The following RMND5B variants were observed in gnomAD, a reference collection of about 807,000 sequenced individuals.
The protein encoded by RMND5B is required for meiotic nuclear division 5 homolog B.
Under a neutral mutation model 50.4 loss-of-function variants are expected in RMND5B, and 42 were observed. That is an observed-to-expected ratio of 0.83 (90% confidence interval 0.65 to 1.08). The LOEUF is 1.08. RMND5B is among the 50% of genes least tolerant of loss of function. RMND5B has a pLI of 0.00. For missense variants in RMND5B, 463 were observed against 508.5 expected (o/e 0.91, Z 0.86); for synonymous variants, 220 against 210.0 (o/e 1.05, Z -0.41).
chr5:178,136,487 G>C (rs946324461), intron 2 of RMND5B, among the ~76,000 whole-genome samples: 5 of 152,108 alleles, frequency 3.3e-5, no homozygotes, highest in African/African-American at 9.7e-5. Flanking sequence ...CAGCGTAATA[G>C]CATTAGCTGT....
chr5:178,146,246 T>G lies in RMND5B; in HGVS notation c.827T>G (p.Leu276Arg). 1 of 1,614,198 alleles carries G rather than the reference T, an allele frequency of 6.2e-7. No individual in the cohort carries two copies. The highest frequency in any genetic ancestry group is 2.2e-5 in the East Asian group (1 of 44,878). Residue 276 changes from leucine (L) to arginine (R), a missense_variant, in exon 8 of 11, where the codon CTG (leucine) becomes CGG (arginine). Coordinates refer to ENST00000313386, the MANE Select transcript of RMND5B (RefSeq NM_022762.5). ...ETFTRDACSL[L>R]GLSVESPLSV... ...TTTACCCGGGACGCCTGTTCCCTGC[T>G]GGGGCTTTCTGTGGAGTCCCCCCTT...
At chr5:178,145,682 G>A (rs1168228210) in intron 7 of RMND5B, among the ~76,000 whole-genome samples, 4 of 152,118 alleles carry the variant, frequency 2.6e-5, no homozygotes, top group Admixed American at 1.3e-4. Flanking sequence ...TGGGATTATA[G>A]GCATGAGCCA....
intron 2 of RMND5B, among the ~76,000 whole-genome samples, chr5:178,132,881 T>G (rs563306894): frequency 1.9e-4 from 11 of 57,242 alleles, no homozygotes; most frequent in Admixed American, 4.5e-4. Flanking sequence ...TTGTTTGTTT[T>G]TTTGAGACAG....
intron 2 of RMND5B, among the ~76,000 whole-genome samples, chr5:178,134,159 T>C (rs1268309480): frequency 6.6e-6 from 1 of 152,178 alleles, no homozygotes; most frequent in East Asian, 1.9e-4. Context: ...GTTACTGTGC[T>C]GCAGTAGCTG....
intron 3 of RMND5B, among the ~76,000 whole-genome samples, chr5:178,139,710 AT>A (rs113719288): frequency 0.02 from 2,558 of 129,874 alleles, 42 homozygotes; most frequent in African/African-American, 0.064. Flanking sequence ...TGCCTGGCTA[AT>A]TTTTTTTTTT....
chr5:178,133,163 G>GA (rs1758428126), intron 2 of RMND5B, among the ~76,000 whole-genome samples: 1 of 151,864 alleles, frequency 6.6e-6, no homozygotes, highest in African/African-American at 2.4e-5. Flanking sequence ...ACGCCCAGCC[G>GA]ATGTTGTCTA....
At position 178,149,849 on chromosome 5, in the gene RMND5B, G is replaced by T; in HGVS notation, c.*1817G>T. 1 of 1,613,066 alleles carries T rather than the reference G, an allele frequency of 6.2e-7. No homozygotes were observed. The highest frequency in any genetic ancestry group is 8.5e-7 in the Non-Finnish European group (1 of 1,179,456). ...GGCTGCACCCAGGTCCTACAGAGGG[G>T]AAAGAAGTGCTGTTTGGAAAAAAGC... On this transcript the variant is annotated 3_prime_UTR_variant, in exon 11 of 11. Coordinates refer to ENST00000313386, the MANE Select transcript of RMND5B (RefSeq NM_022762.5).
Position 178,148,361 on chromosome 5 carries a change from A to C in RMND5B, c.*329A>C, listed in dbSNP as rs1581133999. 10 of 374,654 alleles carry C rather than the reference A, an allele frequency of 2.7e-5. No individual in the cohort carries two copies. The highest frequency in any genetic ancestry group is 5.4e-5 in the South Asian group (2 of 37,354). The allele number at this position is 374,654 out of a possible 1,614,324, so 23.2% of individuals were successfully genotyped here. On this transcript the variant is annotated 3_prime_UTR_variant, in exon 11 of 11. Coordinates refer to ENST00000313386, the MANE Select transcript of RMND5B (RefSeq NM_022762.5). The stretch of plus-strand genomic sequence containing the variant: ...GGTCTTCAGCAGTAGACATCCTTCC[A>C]CCCCTGCCCTCAGCCAAGTCTCTTG...
At position 178,144,106 on chromosome 5, in the gene RMND5B, G is replaced by A. The variant is rs371214275; in HGVS notation, c.692G>A (p.Arg231Gln). Residue 231 changes from arginine (R) to glutamine (Q), a missense_variant and splice_region_variant, in exon 7 of 11, where the codon CGG becomes CAG. Arg to Gln is a conservative substitution (Grantham distance 43). Coordinates refer to ENST00000313386, the MANE Select transcript of RMND5B (RefSeq NM_022762.5). ...HFQPFARLHQ[R>Q]EIQVMMGSLV... ...CAGCCCTTTGCTCGGCTGCACCAGC[G>A]GGGTGAGTGCCCAGGCAGCTGGGGT... The A allele has an allele frequency of 7.2e-5, 116 of 1,612,764 alleles. No individual in the cohort carries two copies. In the East Asian group the frequency reaches 1.5e-3, roughly 21 times the overall value.
chr5:178,134,851 C>T (rs1030248026), intron 2 of RMND5B, among the ~76,000 whole-genome samples: 3 of 151,454 alleles, frequency 2.0e-5, no homozygotes, highest in Non-Finnish European at 4.4e-5. Context: ...TGGTGGTGCA[C>T]CTGTAATCCC....
Position 178,148,078 on chromosome 5 carries a change from G to C in RMND5B, c.*46G>C, listed in dbSNP as rs1042428460. On this transcript the variant is annotated 3_prime_UTR_variant, in exon 11 of 11. Coordinates refer to ENST00000313386, the MANE Select transcript of RMND5B (RefSeq NM_022762.5). ...TGTTGAAAGGGGTTTTCACCTGTGA[G>C]CCTTGGTCTGTCTCGGTAGGGTGGT... The C allele has an allele frequency of 6.3e-7, 1 of 1,587,254 alleles. No homozygotes were observed. The highest frequency in any genetic ancestry group is 8.7e-7 in the Non-Finnish European group (1 of 1,155,696).
At chr5:178,147,512 G>A in intron 8 of RMND5B, 21 bp from the exon 9 acceptor site, 1 of 1,608,344 alleles carries the variant, frequency 6.2e-7, no homozygotes, top group African/African-American at 1.3e-5. Flanking sequence ...AGCCACTCTA[G>A]CCCCTGTTCC....
At chr5:178,147,512 G>C (rs1756083552) in intron 8 of RMND5B, 21 bp from the exon 9 acceptor site, 4 of 1,608,346 alleles carry the variant, frequency 2.5e-6, no homozygotes, top group Non-Finnish European at 2.6e-6. Flanking sequence ...AGCCACTCTA[G>C]CCCCTGTTCC....
chr5:178,146,095 C>T lies in RMND5B; in HGVS notation c.695-19C>T. ...AGAGCCCTGCACCCCCTGAGCTGCC[C>T]CCTCTGGTTGCCTTGTAGAGATCCA... On this transcript the variant is annotated intron_variant, in intron 7 of 10. Coordinates refer to ENST00000313386, the MANE Select transcript of RMND5B (RefSeq NM_022762.5). 6.2e-7 allele frequency: 1 copy of T among 1,613,318 alleles called. No homozygotes were observed. The highest frequency in any genetic ancestry group is 1.7e-4 in the Middle Eastern group (1 of 6,038).
At chr5:178,143,035 C>A in intron 5 of RMND5B, 43 bp downstream of exon 5, 1 of 1,576,994 alleles carries the variant, frequency 6.3e-7, no homozygotes. Flanking sequence ...CCTGCTCTGC[C>A]TTTCACCTGC....
intron 3 of RMND5B, chr5:178,141,340 C>T (rs1223693671): frequency 6.6e-6 from 1 of 151,874 alleles, no homozygotes; most frequent in Non-Finnish European, 1.5e-5. Context: ...CCTGTCTGTA[C>T]TAAAAAATAC....
rs752392516 is a variant in RMND5B, at chr5:178,149,811, G to T, written c.*1779G>T. 7 of 1,613,680 alleles carry T rather than the reference G, an allele frequency of 4.3e-6. No homozygotes were observed. The highest frequency in any genetic ancestry group is 5.1e-6 in the Non-Finnish European group (6 of 1,179,800). On this transcript the variant is annotated 3_prime_UTR_variant, in exon 11 of 11. Coordinates refer to ENST00000313386, the MANE Select transcript of RMND5B (RefSeq NM_022762.5). ...TTGACCATTATCACACAGGTGGGGC[G>T]CTTGGAGCCTGCGGCTGCACCCAGG... is the stretch of plus-strand genomic sequence containing the variant.
rs143501297 is a variant in RMND5B at position 178,149,741 on chromosome 5, T to G, written c.*1709T>G. ...TAGGGGTAGGGGCAGGGACTGCACC[T>G]CCTCCAGGCACTCATCGTAAGCCTC... is the stretch of plus-strand genomic sequence containing the variant. On this transcript the variant is annotated 3_prime_UTR_variant, in exon 11 of 11. Transcript: ENST00000313386. 6.2e-7 allele frequency: 1 copy of G among 1,613,986 alleles called. No individual in the cohort carries two copies. Among genetic ancestry groups the G allele is most frequent in the Non-Finnish European group, 8.5e-7 (1 of 1,179,976 alleles).
chr5:178,131,753 G>T (rs1195322690), intron 2 of RMND5B, among the ~76,000 whole-genome samples: 1 of 152,094 alleles, frequency 6.6e-6, no homozygotes, highest in Non-Finnish European at 1.5e-5. Flanking sequence ...GGTCCAGGCA[G>T]CGGGAACAGC....
Sources: gnomAD v4.1 joint callset for allele counts (sites outside exome capture counted in the v4.1 genomes callset) on GRCh38, gnomAD v4.1.1 for gene constraint, MANE v1.5 for transcripts, NCBI Gene and HGNC (gene_info 2026-07-23, HGNC 2026-07-21) for gene names.